Variants in MEI4 observed in about 807,000 individuals in gnomAD.
MEI4 encodes the protein meiotic double-stranded break formation protein 4.
In MEI4, 27 loss-of-function variants were observed where a neutral mutation model predicts 31.4. That is an observed-to-expected ratio of 0.86 (90% CI 0.63 to 1.19). The LOEUF (loss-of-function observed/expected upper bound fraction) is 1.19. Among genes scored for constraint, MEI4 ranks in the 50% most tolerant of loss-of-function variants. The probability of loss-of-function intolerance (pLI) is 0.00; values close to 1 mark genes in which losing one functional copy is unlikely to be tolerated. For synonymous variants in MEI4, 122 were observed against 145.4 expected, an observed-to-expected ratio of 0.84 and a Z score of 1.16; for missense variants, 329 against 398.9, an observed-to-expected ratio of 0.82 and a Z score of 1.49.
chr6:77,815,591 A>T (rs1769670536), intron 3 of MEI4, among the ~76,000 whole-genome samples: 2 of 152,022 alleles, frequency 1.3e-5, no homozygotes, highest in Admixed American at 1.3e-4. Context: ...GTGTTGGATG[A>T]TATTCATTCA....
intron 4 of MEI4, among the ~76,000 whole-genome samples, chr6:77,871,487 C>T (rs1771190255): frequency 6.6e-6 from 1 of 151,956 alleles, no homozygotes; most frequent in Admixed American, 6.6e-5. Flanking sequence ...TAAGTGGGAG[C>T]TAAACATTGG....
Position 77,735,299 on chromosome 6 carries a change from A to G in MEI4, c.233-25831A>G, listed in dbSNP as rs537668752. Among the ~76,000 whole-genome samples the G allele has an allele frequency of 2.6e-3, 388 of 151,888 alleles. 5 individuals carry two copies. The highest frequency in any genetic ancestry group is 9.3e-3 in the African/African-American group (383 of 41,316). ...TCAGACGTAGATTTGGTCTTTTCACATAGTCCCATATTTCTTGGAGGCTTT... is the reference window on the plus strand; with the variant it reads ...TCAGACGTAGATTTGGTCTTTTCACGTAGTCCCATATTTCTTGGAGGCTTT... On this transcript the variant is annotated intron_variant, in intron 2 of 4. Coordinates refer to ENST00000684080, the MANE Select transcript of MEI4 (RefSeq NM_001322247.2).
chr6:77,738,302 CATT>C (rs1415754960), intron 2 of MEI4, among the ~76,000 whole-genome samples: 1 of 152,178 alleles, frequency 6.6e-6, no homozygotes, highest in African/African-American at 2.4e-5. Flanking sequence ...CGAATCTTCT[CATT>C]AGTTTATAAT....
chr6:77,771,928 A>T (rs2127686823), intron 3 of MEI4, among the ~76,000 whole-genome samples: 1 of 152,154 alleles, frequency 6.6e-6, no homozygotes, highest in Non-Finnish European at 1.5e-5. Context: ...CTGTACCCCT[A>T]AACCTAAAAT....
rs1209095512 is a variant in MEI4, at chr6:77,775,351, C to T, written c.768+13686C>T. On this transcript the variant is annotated intron_variant, in intron 3 of 4. Transcript: ENST00000684080. ...CTCATTCCCCTCCCACCCTTTCCCC[C>T]GAGTCCCCAAAGTCCGTTGTATCAT... is the stretch of plus-strand genomic sequence containing the variant. Among the ~76,000 whole-genome samples, 6 of 152,080 alleles carry T rather than the reference C, an allele frequency of 3.9e-5. No homozygotes were observed. In the East Asian group the frequency reaches 9.6e-4, roughly 24 times the overall value.
At position 77,923,862 on chromosome 6, in the gene MEI4, CTTT is replaced by C. The variant is rs754701339; in HGVS notation, c.*520_*522del. 1 of 151,720 alleles carries C rather than the reference CTTT, an allele frequency of 6.6e-6. No individual in the cohort carries two copies. Among genetic ancestry groups the C allele is most frequent in the Non-Finnish European group, 1.5e-5 (1 of 67,828 alleles). 9.4% of individuals were successfully genotyped at this position (151,720 alleles called of 1,614,324 possible). ...AGACGAGAATCATATAGAAGTAGAA[CTTT>C]TTTAACATTTGGAAACTTAATTGCT... On this transcript the variant is annotated 3_prime_UTR_variant, in exon 5 of 5. Coordinates refer to ENST00000684080, the MANE Select transcript of MEI4 (RefSeq NM_001322247.2).
At chr6:77,873,802 C>T (rs1397742059) in intron 4 of MEI4, among the ~76,000 whole-genome samples, 1 of 152,108 alleles carries the variant, frequency 6.6e-6, no homozygotes, top group Non-Finnish European at 1.5e-5. Context: ...GGAAGGGATC[C>T]AGTTTCAGCT....
chr6:77,834,893 G>A (rs1407980428), intron 4 of MEI4, among the ~76,000 whole-genome samples: 1 of 152,064 alleles, frequency 6.6e-6, no homozygotes, highest in Non-Finnish European at 1.5e-5. Context: ...TAAGTAAACA[G>A]GTTAGTAAGA....
chr6:77,863,348 C>T (rs937854532), intron 4 of MEI4, among the ~76,000 whole-genome samples: 5 of 150,718 alleles, frequency 3.3e-5, no homozygotes, highest in South Asian at 2.1e-4. Context: ...AAAAATTAGA[C>T]GAATGGCTAA....
intron 4 of MEI4, among the ~76,000 whole-genome samples, chr6:77,867,571 G>A (rs1284888548): frequency 1.3e-5 from 2 of 152,142 alleles, no homozygotes; most frequent in African/African-American, 2.4e-5. Flanking sequence ...GAAACAACAG[G>A]TGCTGGAGAG....
chr6:77,761,640 T>C lies in MEI4; in HGVS notation c.743T>C (p.Ile248Thr). The C allele has an allele frequency of 8.1e-7, 1 of 1,231,600 alleles. No homozygotes were observed. The highest frequency in any genetic ancestry group is 4.1e-5 in the South Asian group (1 of 24,288). 76.3% of individuals were successfully genotyped at this position (1,231,600 alleles called of 1,614,324 possible). The change falls in exon 3 of 5, where the codon ATT becomes ACT. Residue 248 changes from isoleucine (I) to threonine (T), a missense_variant. By Grantham distance (89) the Ile-to-Thr change is moderately conservative. Transcript: ENST00000684080. ...TTTGAGAAAACCCTACTACATGCTA[T>C]TTTAGGAAACAATCATATAAATCAG... is the stretch of plus-strand genomic sequence containing the variant. Reference protein sequence around the residue: ...EEFEKTLLHAILGNNHINQFQ... With the variant: ...EEFEKTLLHATLGNNHINQFQ...
intron 1 of MEI4, among the ~76,000 whole-genome samples, chr6:77,664,147 T>G (rs1768573841): frequency 1.3e-5 from 2 of 151,922 alleles, no homozygotes; most frequent in Admixed American, 1.3e-4. Context: ...TGCAACTTTT[T>G]TCTATTATTG....
intron 2 of MEI4, among the ~76,000 whole-genome samples, chr6:77,734,967 C>T (rs1024246155): frequency 6.6e-5 from 10 of 152,122 alleles, no homozygotes; most frequent in Middle Eastern, 3.4e-3. Context: ...TTGGCCCCCA[C>T]TCTCTTCTGG....
intron 3 of MEI4, among the ~76,000 whole-genome samples, chr6:77,764,982 T>C (rs1039115722): frequency 6.6e-6 from 1 of 152,154 alleles, no homozygotes; most frequent in Admixed American, 6.5e-5. Flanking sequence ...ATTTATAAGG[T>C]TGAATGTCTA....
At chr6:77,867,420 A>G (rs926527983) in intron 4 of MEI4, among the ~76,000 whole-genome samples, 9 of 152,230 alleles carry the variant, frequency 5.9e-5, no homozygotes, top group Non-Finnish European at 1.2e-4. Flanking sequence ...ATGAACAGAC[A>G]CTTCTCAAAA....
chr6:77,903,177 C>T lies in MEI4; in HGVS notation c.901-19912C>T, dbSNP rs554434428. ...CTTTTTTTTCTTTTTTGACCAACTG[C>T]TCTGGCAAGGGCTTTCAGTACAGAG... is the stretch of plus-strand genomic sequence containing the variant. On this transcript the variant is annotated intron_variant, in intron 4 of 4. Transcript: ENST00000684080. Among the ~76,000 whole-genome samples, 5 of 151,782 alleles carry T rather than the reference C, an allele frequency of 3.3e-5. No homozygotes were observed. In the South Asian group the frequency reaches 8.4e-4, roughly 25 times the overall value.
chr6:77,754,332 C>T (rs985199441), intron 2 of MEI4, among the ~76,000 whole-genome samples: 31 of 152,136 alleles, frequency 2.0e-4, no homozygotes, highest in Admixed American at 1.6e-3. Context: ...AGGCAAAATG[C>T]CGCCAGTCTC....
chr6:77,670,960 T>C (rs1034008628), intron 1 of MEI4, among the ~76,000 whole-genome samples: 4 of 152,206 alleles, frequency 2.6e-5, no homozygotes, highest in East Asian at 1.9e-4. Context: ...ATCACATTTA[T>C]GTTTCTGATG....
chr6:77,700,916 G>A (rs973125218), intron 2 of MEI4, among the ~76,000 whole-genome samples: 16 of 152,004 alleles, frequency 1.1e-4, no homozygotes, highest in South Asian at 2.1e-4. Context: ...ACTTAAATGC[G>A]CTTTACTAAT....
Sources: allele counts gnomAD v4.1 joint callset (sites outside exome capture counted in the v4.1 genomes callset), GRCh38; gene constraint gnomAD v4.1.1; transcripts MANE v1.5; gene names NCBI Gene and HGNC (gene_info 2026-07-23, HGNC 2026-07-21).